The following PRKAA2 variants were observed in gnomAD, a reference collection of about 807,000 sequenced individuals.
PRKAA2 encodes 5'-AMP-activated protein kinase catalytic subunit alpha-2.
A neutral mutation model predicts 56.3 loss-of-function variants in PRKAA2; 40 were observed. That is an observed-to-expected ratio of 0.71 (90% confidence interval 0.55 to 0.92). The LOEUF is 0.92. PRKAA2 is among the 40% of genes least tolerant of loss of function. PRKAA2 has a pLI of 0.00. For missense variants in PRKAA2, 542 were observed against 686.9 expected, an observed-to-expected ratio of 0.79 and a Z score of 2.36; for synonymous variants, 214 against 234.2, an observed-to-expected ratio of 0.91 and a Z score of 0.79.
At chr1:56,698,632 C>T (rs1644274500) in intron 6 of PRKAA2, among the ~76,000 whole-genome samples, 1 of 152,138 alleles carries the variant, frequency 6.6e-6, no homozygotes. Context: ...TACATCAGTT[C>T]TGTGATATCT....
intron 1 of PRKAA2, among the ~76,000 whole-genome samples, chr1:56,656,677 G>C (rs552177336): frequency 1.3e-5 from 2 of 152,330 alleles, no homozygotes; most frequent in Admixed American, 1.3e-4. Context: ...ATATGCTGGA[G>C]TGTACTGTAT....
chr1:56,679,744 CT>C (rs1369467291), intron 2 of PRKAA2, among the ~76,000 whole-genome samples: 1 of 152,090 alleles, frequency 6.6e-6, no homozygotes, highest in Non-Finnish European at 1.5e-5. Context: ...ACATTTGACC[CT>C]TGAACGGTAT....
At chr1:56,681,615 C>A (rs545228287) in intron 2 of PRKAA2, among the ~76,000 whole-genome samples, 2 of 152,154 alleles carry the variant, frequency 1.3e-5, no homozygotes, top group Non-Finnish European at 2.9e-5. Context: ...AATAGGGAAT[C>A]CTTTCCCCAT....
Position 56,706,148 on chromosome 1 carries a change from C to A in PRKAA2, c.1350C>A (p.Tyr450Ter). 6.2e-7 allele frequency: 1 copy of A among 1,613,050 alleles called. No individual in the cohort carries two copies. Among genetic ancestry groups the A allele is most frequent in the Non-Finnish European group, 8.5e-7 (1 of 1,179,188 alleles). Residue 450 changes from tyrosine to a stop codon, truncating the protein, a stop_gained, in exon 8 of 9, where the codon TAC (tyrosine) becomes TAA (stop). Coordinates refer to ENST00000371244, the MANE Select transcript of PRKAA2 (RefSeq NM_006252.4). LOFTEE classifies it high-confidence loss of function. Reference sequence around the variant, plus strand: ...GAAAAAATCCAGTGACTGGCAATTACGTGAAAATGAGCTTACAACTTTACC... The same window carrying A: ...GAAAAAATCCAGTGACTGGCAATTAAGTGAAAATGAGCTTACAACTTTACC... The part of the protein sequence containing the change: ...VRRKNPVTGN[Y>*]VKMSLQLYLV...
intron 1 of PRKAA2, among the ~76,000 whole-genome samples, chr1:56,654,970 G>T (rs1322892564): frequency 6.6e-6 from 1 of 151,588 alleles, no homozygotes; most frequent in Non-Finnish European, 1.5e-5. Context: ...TACTCTGAAT[G>T]TTAGTATGTT....
chr1:56,655,280 A>ATATATATGTATAT, intron 1 of PRKAA2, among the ~76,000 whole-genome samples: 42 of 93,682 alleles, frequency 4.5e-4, no homozygotes, highest in Non-Finnish European at 6.9e-4. Flanking sequence ...ATATATATAT[A>ATATATATGTATAT]TTTTTTTTTT....
At chr1:56,702,049 A>G (rs558601514) in intron 6 of PRKAA2, among the ~76,000 whole-genome samples, 20 of 151,788 alleles carry the variant, frequency 1.3e-4, no homozygotes, top group African/African-American at 4.8e-4. Flanking sequence ...TACTTGGACT[A>G]TTGCAACTAG....
intron 1 of PRKAA2, among the ~76,000 whole-genome samples, chr1:56,667,839 C>A (rs1346103494): frequency 3.3e-5 from 5 of 151,938 alleles, no homozygotes; most frequent in Non-Finnish European, 5.9e-5. Context: ...CTGTAGACAC[C>A]CTGAAGGATG....
intron 2 of PRKAA2, among the ~76,000 whole-genome samples, chr1:56,676,020 G>C (rs553817761): frequency 1.6e-4 from 25 of 152,214 alleles, no homozygotes; most frequent in Middle Eastern, 3.4e-3. Flanking sequence ...ATTATATTTA[G>C]GCTGATCTTT....
chr1:56,655,284 T>TTTTTTA (rs1389747602), intron 1 of PRKAA2, among the ~76,000 whole-genome samples: 1 of 51,950 alleles, frequency 1.9e-5, no homozygotes, highest in African/African-American at 6.8e-5. Context: ...ATATATATTT[T>TTTTTTA]TTTTTTTTTT....
intron 2 of PRKAA2, among the ~76,000 whole-genome samples, chr1:56,690,313 G>A (rs1446658135): frequency 6.6e-5 from 10 of 152,030 alleles, no homozygotes; most frequent in African/African-American, 2.4e-4. Flanking sequence ...ACAGGTGCCC[G>A]CCACCATGCC....
At chr1:56,653,571 T>C (rs2100380836) in intron 1 of PRKAA2, among the ~76,000 whole-genome samples, 1 of 152,232 alleles carries the variant, frequency 6.6e-6, no homozygotes, top group South Asian at 2.1e-4. Flanking sequence ...CTTCTAGTGT[T>C]GTGAGAAGTA....
chr1:56,652,357 G>A (rs1045063652), intron 1 of PRKAA2, among the ~76,000 whole-genome samples: 4 of 151,524 alleles, frequency 2.6e-5, no homozygotes, highest in African/African-American at 9.7e-5. Context: ...GGGTTTCACC[G>A]TGTTAGCCAG....
intron 2 of PRKAA2, among the ~76,000 whole-genome samples, chr1:56,682,900 G>A (rs1196736905): frequency 6.6e-6 from 1 of 152,106 alleles, no homozygotes; most frequent in Non-Finnish European, 1.5e-5. Context: ...AGCTGCATAT[G>A]TTTAGTGACC....
At chr1:56,659,911 A>G (rs1481198588) in intron 1 of PRKAA2, among the ~76,000 whole-genome samples, 1 of 152,222 alleles carries the variant, frequency 6.6e-6, no homozygotes, top group Non-Finnish European at 1.5e-5. Context: ...CTGTCTCTAA[A>G]TAAATAAATA....
chr1:56,672,913 C>T (rs1644088138), intron 1 of PRKAA2, among the ~76,000 whole-genome samples: 1 of 152,016 alleles, frequency 6.6e-6, no homozygotes, highest in Admixed American at 6.6e-5. Context: ...GAGGAAGATA[C>T]AGGATCAATG....
In PRKAA2 at chr1:56,674,444, G is replaced by T; in HGVS notation, c.158G>T (p.Arg53Leu). The T allele has an allele frequency of 6.3e-7, 1 of 1,578,064 alleles. No individual in the cohort carries two copies. Among genetic ancestry groups the T allele is most frequent in the Non-Finnish European group, 8.6e-7 (1 of 1,161,292 alleles). ...AVKILNRQKIRSLDVVGKIKR... is the reference protein window; with the variant it reads ...AVKILNRQKILSLDVVGKIKR... ...AAAATCTTAAATAGACAGAAGATTC[G>T]CAGTTTAGATGTTGTTGGAAAAATA... The change falls in exon 2 of 9, where the codon CGC becomes CTC. Residue 53 changes from arginine to leucine, a missense_variant. Physicochemically the swap from Arg to Leu is moderately radical, Grantham distance 102. Transcript: ENST00000371244.
At position 56,692,949 on chromosome 1, in the gene PRKAA2, C is replaced by G. The variant is rs113549308; in HGVS notation, c.475+447C>G. 6.1e-3 allele frequency among the ~76,000 whole-genome samples: 924 copies of G among 152,116 alleles called. 9 individuals carry two copies. Among genetic ancestry groups the G allele is most frequent in the African/African-American group, 0.021 (885 of 41,492 alleles). On this transcript the variant is annotated intron_variant, in intron 4 of 8. Transcript: ENST00000371244. The stretch of plus-strand genomic sequence containing the variant: ...CTTCTGAACTGATCCACAAAGAGGT[C>G]CTTAGGTGTAACGTCTAATAACTTG...
intron 1 of PRKAA2, among the ~76,000 whole-genome samples, chr1:56,654,118 A>G (rs1643923707): frequency 1.3e-5 from 2 of 152,144 alleles, no homozygotes; most frequent in African/African-American, 4.8e-5. Context: ...CTTTTCTACC[A>G]AACTTTATCT....
Sources: gnomAD v4.1 joint callset for allele counts (sites outside exome capture counted in the v4.1 genomes callset) on GRCh38, gnomAD v4.1.1 for gene constraint, MANE v1.5 for transcripts, NCBI Gene and HGNC (gene_info 2026-07-23, HGNC 2026-07-21) for gene names.